The following AGPAT4 variants were observed in gnomAD, a reference collection of about 807,000 sequenced individuals.
AGPAT4 encodes the protein 1-acyl-sn-glycerol-3-phosphate acyltransferase delta.
A neutral mutation model predicts 48.0 loss-of-function variants in AGPAT4; 15 were observed. That is an observed-to-expected ratio of 0.31 (90% confidence interval 0.21 to 0.48). AGPAT4 has a LOEUF of 0.48. AGPAT4 is among the 20% of genes least tolerant of loss of function. The pLI, the probability that AGPAT4 is intolerant of heterozygous loss-of-function variation, is 0.99. For synonymous variants in AGPAT4, 178 were observed against 198.7 expected (o/e 0.90, Z 0.88); for missense variants, 314 against 482.5 (o/e 0.65, Z 3.27).
In AGPAT4 at chr6:161,255,173, C is replaced by T. The variant is rs1782914213; in HGVS notation, c.-90+18765G>A. 1.3e-5 allele frequency among the ~76,000 whole-genome samples: 2 copies of T among 152,182 alleles called. No individual in the cohort carries two copies. The highest frequency in any genetic ancestry group is 4.1e-4 in the South Asian group (2 of 4,826). Reference sequence around the variant, plus strand: ...GTAATACCTCACACATCCAGTTCTCCTTCATTAGCTCTATGATAATGGCTT... The same window carrying T: ...GTAATACCTCACACATCCAGTTCTCTTTCATTAGCTCTATGATAATGGCTT... On this transcript the variant is annotated intron_variant, in intron 1 of 8. Coordinates refer to ENST00000320285, the MANE Select transcript of AGPAT4 (RefSeq NM_020133.3). The surrounding 1 kb of genome is among the most constrained non-coding windows in gnomAD (Gnocchi z 4.7).
chr6:161,193,292 C>A (rs530946409), intron 2 of AGPAT4, among the ~76,000 whole-genome samples: 1 of 152,176 alleles, frequency 6.6e-6, no homozygotes, highest in Non-Finnish European at 1.5e-5. Context: ...GAAACCCATA[C>A]GGTGAGCTTT....
In AGPAT4 at chr6:161,144,239, G is replaced by A; in HGVS notation, c.843+2285C>T. 1 of 526,010 alleles carries A rather than the reference G, an allele frequency of 1.9e-6. No individual in the cohort carries two copies. The highest frequency in any genetic ancestry group is 3.9e-6 in the Non-Finnish European group (1 of 256,500). The allele number at this position is 526,010 out of a possible 1,614,324, so 32.6% of individuals were successfully genotyped here. Reference sequence around the variant, plus strand: ...CCAGGCCTGCTCACAGACACATACTGCTTAGAGAACTCGGTGTCGCCCCAG... The same window carrying A: ...CCAGGCCTGCTCACAGACACATACTACTTAGAGAACTCGGTGTCGCCCCAG... On this transcript the variant is annotated intron_variant, in intron 7 of 8. Coordinates refer to ENST00000320285, the MANE Select transcript of AGPAT4 (RefSeq NM_020133.3). This position sits in a 1 kb window ranked among gnomAD's most constrained non-coding sequence, Gnocchi z 6.6.
rs377680057 is a variant in AGPAT4, at chr6:161,237,271, A to G, written c.-89-4969T>C. Among the ~76,000 whole-genome samples the G allele has an allele frequency of 8.5e-5, 13 of 152,376 alleles. No individual in the cohort carries two copies. The East Asian group carries it at 1.9e-3, about 23-fold the overall frequency. ...AGATTAGTAGATATTGAATTTAGCC[A>G]ATCATTTGGCAAAGTCTCTGGCAGT... On this transcript the variant is annotated intron_variant, in intron 1 of 8. Transcript: ENST00000320285.
At position 161,220,928 on chromosome 6, in the gene AGPAT4, C is replaced by T. The variant is rs1181056110; in HGVS notation, c.178+11108G>A. ...TCTCCCGAGTAGCTGGGATTACAGGCGCGTGCCACCACACCTGGCTAATTT... is the reference window on the plus strand; with the variant it reads ...TCTCCCGAGTAGCTGGGATTACAGGTGCGTGCCACCACACCTGGCTAATTT... On this transcript the variant is annotated intron_variant, in intron 2 of 8. Coordinates refer to ENST00000320285, the MANE Select transcript of AGPAT4 (RefSeq NM_020133.3). The surrounding 1 kb of genome is among the most constrained non-coding windows in gnomAD (Gnocchi z 6.0). Among the ~76,000 whole-genome samples, 3 of 152,034 alleles carry T rather than the reference C, an allele frequency of 2.0e-5. No homozygotes were observed. Among genetic ancestry groups the T allele is most frequent in the African/African-American group, 2.4e-5 (1 of 41,390 alleles).
At position 161,240,927 on chromosome 6, in the gene AGPAT4, T is replaced by G. The variant is rs1782463783; in HGVS notation, c.-89-8625A>C. ...GAAAGTATTCTAGACTGGATTTAAC[T>G]GTCTTTGGGACGAGCTCTAAGTAAC... On this transcript the variant is annotated intron_variant, in intron 1 of 8. Transcript: ENST00000320285. This position sits in a 1 kb window ranked among gnomAD's most constrained non-coding sequence, Gnocchi z 5.5. 6.6e-6 allele frequency among the ~76,000 whole-genome samples: 1 copy of G among 152,144 alleles called. No individual in the cohort carries two copies. The highest frequency in any genetic ancestry group is 2.1e-4 in the South Asian group (1 of 4,830).
rs565399940 is a variant in AGPAT4 at position 161,189,240 on chromosome 6, C to T, written c.179-22823G>A. Among the ~76,000 whole-genome samples the T allele has an allele frequency of 9.2e-5, 14 of 152,284 alleles. No homozygotes were observed. The highest frequency in any genetic ancestry group is 1.2e-4 in the African/African-American group (5 of 41,582). On this transcript the variant is annotated intron_variant, in intron 2 of 8. Coordinates refer to ENST00000320285, the MANE Select transcript of AGPAT4 (RefSeq NM_020133.3). The surrounding 1 kb of genome is among the most constrained non-coding windows in gnomAD (Gnocchi z 5.3). ...AAGACCAAGGCCAGGAATTAGGAGG[C>T]TTTCCCATCTGCGGACTGTCCTGCC...
Position 161,223,572 on chromosome 6 carries a change from C to A in AGPAT4, c.178+8464G>T, listed in dbSNP as rs1002138942. Among the ~76,000 whole-genome samples the A allele has an allele frequency of 1.3e-5, 2 of 152,192 alleles. No individual in the cohort carries two copies. Among genetic ancestry groups the A allele is most frequent in the Non-Finnish European group, 2.9e-5 (2 of 68,038 alleles). On this transcript the variant is annotated intron_variant, in intron 2 of 8. Coordinates refer to ENST00000320285, the MANE Select transcript of AGPAT4 (RefSeq NM_020133.3). The surrounding 1 kb of genome is among the most constrained non-coding windows in gnomAD (Gnocchi z 6.3). Reference sequence around the variant, plus strand: ...CACAATGCTTAATACATAATCAACACGTGACAAATGTAGCGAGTGTAATGA... The same window carrying A: ...CACAATGCTTAATACATAATCAACAAGTGACAAATGTAGCGAGTGTAATGA...
chr6:161,139,200 A>G lies in AGPAT4; in HGVS notation c.1042+222T>C, dbSNP rs1390369052. On this transcript the variant is annotated intron_variant, in intron 8 of 8. Coordinates refer to ENST00000320285, the MANE Select transcript of AGPAT4 (RefSeq NM_020133.3). The surrounding 1 kb of genome is among the most constrained non-coding windows in gnomAD (Gnocchi z 9.1). ...CAGGGAACGTGTGGAATCCAGCCCC[A>G]GGTGGGAGGCTGGACCGTCCAGGCT... Among the ~76,000 whole-genome samples the G allele has an allele frequency of 6.6e-6, 1 of 152,152 alleles. No homozygotes were observed. Among genetic ancestry groups the G allele is most frequent in the East Asian group, 1.9e-4 (1 of 5,174 alleles).
At chr6:161,207,605 G>T (rs186718416) in intron 2 of AGPAT4, among the ~76,000 whole-genome samples, 1 of 152,358 alleles carries the variant, frequency 6.6e-6, no homozygotes, top group East Asian at 1.9e-4. Flanking sequence ...CACTTCCAGT[G>T]AATGGGGACC....
At chr6:161,194,564 G>T (rs1781013821) in intron 2 of AGPAT4, among the ~76,000 whole-genome samples, 1 of 148,562 alleles carries the variant, frequency 6.7e-6, no homozygotes, top group East Asian at 1.9e-4. Context: ...GTGCATGTGT[G>T]TATGTGTATG....
Position 161,236,173 on chromosome 6 carries a change from C to T in AGPAT4, c.-89-3871G>A, listed in dbSNP as rs1782267277. Among the ~76,000 whole-genome samples the T allele has an allele frequency of 6.6e-6, 1 of 151,886 alleles. No homozygotes were observed. Among genetic ancestry groups the T allele is most frequent in the Non-Finnish European group, 1.5e-5 (1 of 68,026 alleles). On this transcript the variant is annotated intron_variant, in intron 1 of 8. Coordinates refer to ENST00000320285, the MANE Select transcript of AGPAT4 (RefSeq NM_020133.3). This position sits in a 1 kb window ranked among gnomAD's most constrained non-coding sequence, Gnocchi z 5.0. ...CTTATTACATGAGGCAAGAATATGA[C>T]AAAGAACTTATGCTGTTTCTGAGCA...
Position 161,259,985 on chromosome 6 carries a change from A to G in AGPAT4, c.-90+13953T>C, listed in dbSNP as rs182773786. ...AGGAAACTTCCATTCACCTGGCGCTATACGTGTTTGGGGCTGGGGAGTCTC... is the reference window on the plus strand; with the variant it reads ...AGGAAACTTCCATTCACCTGGCGCTGTACGTGTTTGGGGCTGGGGAGTCTC... On this transcript the variant is annotated intron_variant, in intron 1 of 8. Transcript: ENST00000320285. This position sits in a 1 kb window ranked among gnomAD's most constrained non-coding sequence, Gnocchi z 4.9. Among the ~76,000 whole-genome samples, 1 of 152,206 alleles carries G rather than the reference A, an allele frequency of 6.6e-6. No homozygotes were observed. The highest frequency in any genetic ancestry group is 2.4e-5 in the African/African-American group (1 of 41,546).
chr6:161,192,637 G>A (rs1377795172), intron 2 of AGPAT4, among the ~76,000 whole-genome samples: 1 of 151,762 alleles, frequency 6.6e-6, no homozygotes, highest in African/African-American at 2.4e-5. Context: ...TGTATCTCAG[G>A]TCATCTGAGA....
In AGPAT4 at chr6:161,136,270, A is replaced by G; in HGVS notation, c.*270T>C. The stretch of plus-strand genomic sequence containing the variant: ...TAAAATACCCTTTCTATGATCACAG[A>G]ACAAAGTTCACACTCACCACACAGC... On this transcript the variant is annotated 3_prime_UTR_variant, in exon 9 of 9. Transcript: ENST00000320285. 1 of 462,676 alleles carries G rather than the reference A, an allele frequency of 2.2e-6. No homozygotes were observed. The highest frequency in any genetic ancestry group is 3.9e-6 in the Non-Finnish European group (1 of 253,578). The allele number at this position is 462,676 out of a possible 1,614,324, so 28.7% of individuals were successfully genotyped here. A position where few individuals can be genotyped will look rare whatever the true frequency, so the allele number is the denominator to read the frequency against.
chr6:161,220,448 A>G lies in AGPAT4; in HGVS notation c.178+11588T>C, dbSNP rs9458157. Among the ~76,000 whole-genome samples, 18,726 of 152,250 alleles carry G rather than the reference A, an allele frequency of 0.12. 1,387 individuals are homozygous for G. The highest frequency in any genetic ancestry group is 0.17 in the Non-Finnish European group (11,573 of 68,010). ...GAGGCAGATAGACAGCTTCCTCGATACTTCAGATTAAAAACCCTAGAAGTA... is the reference window on the plus strand; with the variant it reads ...GAGGCAGATAGACAGCTTCCTCGATGCTTCAGATTAAAAACCCTAGAAGTA... On this transcript the variant is annotated intron_variant, in intron 2 of 8. Transcript: ENST00000320285. The surrounding 1 kb of genome is among the most constrained non-coding windows in gnomAD (Gnocchi z 6.0).
At position 161,132,587 on chromosome 6, in the gene AGPAT4, C is replaced by G. The variant is rs570304963; in HGVS notation, c.*3953G>C. ...CAGCATAGCTCGGCCGCTTCTGCCC[C>G]GTGCCAAGGCGTGACTAGGACCAGA... is the stretch of plus-strand genomic sequence containing the variant. On this transcript the variant is annotated 3_prime_UTR_variant, in exon 9 of 9. Transcript: ENST00000320285. The G allele has an allele frequency of 6.6e-6, 1 of 152,280 alleles. No homozygotes were observed. Among genetic ancestry groups the G allele is most frequent in the Non-Finnish European group, 1.5e-5 (1 of 68,080 alleles). The allele number at this position is 152,280 out of a possible 1,614,324, so 9.4% of individuals were successfully genotyped here.
At chr6:161,247,196 T>A (rs185164008) in intron 1 of AGPAT4, among the ~76,000 whole-genome samples, 40 of 152,372 alleles carry the variant, frequency 2.6e-4, no homozygotes, top group African/African-American at 9.1e-4. Context: ...TGACTTTTTT[T>A]AAAACAAAGA....
In AGPAT4 at chr6:161,217,495, C is replaced by A. The variant is rs1781682506; in HGVS notation, c.178+14541G>T. ...AAAGACATGCTTCTCCCTGTGTGTC[C>A]CTGGGGGAGTCCATCAGGTGCATGG... On this transcript the variant is annotated intron_variant, in intron 2 of 8. Transcript: ENST00000320285. This position sits in a 1 kb window ranked among gnomAD's most constrained non-coding sequence, Gnocchi z 4.9. Among the ~76,000 whole-genome samples, 1 of 152,232 alleles carries A rather than the reference C, an allele frequency of 6.6e-6. No homozygotes were observed. The highest frequency in any genetic ancestry group is 2.1e-4 in the South Asian group (1 of 4,820).
rs1782258391 is a variant in AGPAT4 at position 161,235,820 on chromosome 6, T to A, written c.-89-3518A>T. On this transcript the variant is annotated intron_variant, in intron 1 of 8. Transcript: ENST00000320285. The surrounding 1 kb of genome is among the most constrained non-coding windows in gnomAD (Gnocchi z 6.2). Reference sequence around the variant, plus strand: ...AGGGGGTACAGTGCTAAACCATTCATGAGAACTCCGCCCCCGTGATCCAAT... The same window carrying A: ...AGGGGGTACAGTGCTAAACCATTCAAGAGAACTCCGCCCCCGTGATCCAAT... 6.6e-6 allele frequency among the ~76,000 whole-genome samples: 1 copy of A among 152,138 alleles called. No homozygotes were observed. The highest frequency in any genetic ancestry group is 1.9e-4 in the East Asian group (1 of 5,180).
Sources: allele counts gnomAD v4.1 joint callset (sites outside exome capture counted in the v4.1 genomes callset), GRCh38; gene constraint gnomAD v4.1.1; non-coding constraint Gnocchi (gnomAD v3.1); transcripts MANE v1.5; gene names NCBI Gene and HGNC (gene_info 2026-07-23, HGNC 2026-07-21).